RNF31: variants seen among roughly 807,000 people sequenced by gnomAD.
RNF31 encodes the protein E3 ubiquitin-protein ligase RNF31.
In RNF31, 38 loss-of-function variants were observed where a neutral mutation model predicts 133.6. The observed-to-expected ratio is 0.28, with a 90% CI of 0.22 to 0.37. The LOEUF (loss-of-function observed/expected upper bound fraction) is 0.37, where lower values mean the gene tolerates loss of function less well. Among genes scored for constraint, RNF31 ranks in the 10% least tolerant of loss-of-function variants. The pLI, the probability that RNF31 is intolerant of heterozygous loss-of-function variation, is 1.00. For missense variants in RNF31, 1,118 were observed against 1,394.1 expected (o/e 0.80, Z 3.15); for synonymous variants, 582 against 552.3 (o/e 1.05, Z -0.75).
In RNF31 at chr14:24,150,225, G is replaced by A. The variant is rs762163911; in HGVS notation, c.974G>A (p.Arg325Gln). ...PWAVLCVACD[R>Q]PRGCKGLGLG... ...GCAGTGCTCTGTGTGGCCTGTGATCGGCCCCGAGGCTGTAAGGGGTTGGGG... is the reference window on the plus strand; with the variant it reads ...GCAGTGCTCTGTGTGGCCTGTGATCAGCCCCGAGGCTGTAAGGGGTTGGGG... Residue 325 changes from arginine to glutamine, a missense_variant, in exon 7 of 21, where the codon CGG becomes CAG. By Grantham distance (43) the Arg-to-Gln change is conservative. Around this residue, in one of 3 missense-constraint regions of RNF31, gnomAD observed 747 missense variants for 827.9 expected, o/e 0.90. Coordinates refer to ENST00000324103, the MANE Select transcript of RNF31 (RefSeq NM_017999.5). 1.7e-5 allele frequency: 28 copies of A among 1,614,054 alleles called. No homozygotes were observed. The highest frequency in any genetic ancestry group is 5.0e-5 in the Admixed American group (3 of 59,986).
chr14:24,157,459 C>G (rs2038360789), intron 15 of RNF31, 55 bp downstream of exon 15: 1 of 1,603,520 alleles, frequency 6.2e-7, no homozygotes, highest in Non-Finnish European at 8.5e-7. Context: ...GCCAGCAGCT[C>G]TCTTCCTGAG....
At chr14:24,159,631 T>A (rs1027311485) in intron 18 of RNF31, among the ~76,000 whole-genome samples, 1 of 151,432 alleles carries the variant, frequency 6.6e-6, no homozygotes, top group African/African-American at 2.4e-5. Context: ...GGTATGTGTT[T>A]ATGAGCCAAA....
intron 18 of RNF31, among the ~76,000 whole-genome samples, chr14:24,158,923 C>T (rs2038389883): frequency 6.7e-6 from 1 of 150,272 alleles, no homozygotes; most frequent in South Asian, 2.1e-4. Context: ...GTCCCAGCTA[C>T]TCGGGAGGCT....
chr14:24,149,968 G>A (rs2038237793), intron 6 of RNF31, 93 bp from the exon 7 acceptor site: 7 of 1,427,636 alleles, frequency 4.9e-6, no homozygotes, highest in Non-Finnish European at 6.6e-6. Flanking sequence ...CCAGTGACAT[G>A]AGTTGTTACC....
intron 5 of RNF31, chr14:24,149,175 C>G: frequency 1.7e-6 from 1 of 598,776 alleles, no homozygotes; most frequent in Non-Finnish European, 2.9e-6. Flanking sequence ...GTTGGTCAGG[C>G]TGGTCTGGAA....
chr14:24,157,707 A>G (rs2074741601), intron 16 of RNF31, 69 bp downstream of exon 16: 8 of 1,365,206 alleles, frequency 5.9e-6, no homozygotes, highest in Admixed American at 1.7e-5. Context: ...GTCAGAGGCT[A>G]TTGAGGAGTG....
At chr14:24,158,279 G>A (rs1306148299) in intron 18 of RNF31, 80 bp downstream of exon 18, 2 of 1,358,564 alleles carry the variant, frequency 1.5e-6, no homozygotes, top group Admixed American at 3.6e-5. Flanking sequence ...GGGAGGCTTG[G>A]GTCTGGGGTC....
chr14:24,150,866 T>G lies in RNF31; in HGVS notation c.1466T>G (p.Leu489Arg). ...CAAGACAAGATGCGGGAAGAAGGCC[T>G]CCAGCTAGTGAGCATGATCCGGGTA... is the stretch of plus-strand genomic sequence containing the variant. ...QRQDKMREEG[L>R]QLVSMIREGE... The change falls in exon 8 of 21, where the codon CTC becomes CGC. Residue 489 changes from leucine (L) to arginine (R), a missense_variant. Physicochemically the swap from Leu to Arg is moderately radical, Grantham distance 102 (BLOSUM62 -2). Coordinates refer to ENST00000324103, the MANE Select transcript of RNF31 (RefSeq NM_017999.5). The G allele has an allele frequency of 6.4e-7, 1 of 1,561,802 alleles. No individual in the cohort carries two copies. The highest frequency in any genetic ancestry group is 1.2e-5 in the South Asian group (1 of 82,460).
chr14:24,154,916 A>G, intron 11 of RNF31: 1 of 552,464 alleles, frequency 1.8e-6, no homozygotes, highest in Non-Finnish European at 3.2e-6. Context: ...TTAATGGAAT[A>G]TGAATGTTTT....
At position 24,148,363 on chromosome 14, in the gene RNF31, G is replaced by C; in HGVS notation, c.445G>C (p.Val149Leu). Reference protein sequence around the residue: ...EEPDEHQVATVTLEVLLLRTE... With the variant: ...EEPDEHQVATLTLEVLLLRTE... ...GCCAGATGAGCACCAGGTTGCTACA[G>C]TCACACTGGAAGTACTGCTGCTTCG... Residue 149 changes from valine (V) to leucine (L), a missense_variant, in exon 3 of 21, where the codon GTC (valine) becomes CTC (leucine). By Grantham distance (32) the Val-to-Leu change is conservative. This residue lies in a region of RNF31 where 747 missense variants were observed against 827.9 expected (regional missense o/e 0.90). Coordinates refer to ENST00000324103, the MANE Select transcript of RNF31 (RefSeq NM_017999.5). 1.9e-6 allele frequency: 3 copies of C among 1,614,198 alleles called. No homozygotes were observed. The highest frequency in any genetic ancestry group is 2.5e-6 in the Non-Finnish European group (3 of 1,180,014).
rs199806928 is a variant in RNF31 at position 24,151,233 on chromosome 14, G to A, written c.1591G>A (p.Val531Ile). 70 of 1,614,162 alleles carry A rather than the reference G, an allele frequency of 4.3e-5. No individual in the cohort carries two copies. In the African/African-American group the frequency reaches 7.2e-4, roughly 17 times the overall value. Residue 531 changes from valine to isoleucine, a missense_variant, in exon 9 of 21, where the codon GTC becomes ATC. Val to Ile is a conservative substitution (Grantham distance 29, BLOSUM62 3). Around this residue, in one of 3 missense-constraint regions of RNF31, gnomAD observed 747 missense variants for 827.9 expected, o/e 0.90. Coordinates refer to ENST00000324103, the MANE Select transcript of RNF31 (RefSeq NM_017999.5). This position sits in a 1 kb window ranked among gnomAD's most constrained non-coding sequence, Gnocchi z 5.3. Reference sequence around the variant, plus strand: ...GTGGTTGCGCTCAGAACTGCCCTACGTCCTGGAGATGGTGGCTGAGCTGGC... The same window carrying A: ...GTGGTTGCGCTCAGAACTGCCCTACATCCTGGAGATGGTGGCTGAGCTGGC... ...LQWLRSELPYVLEMVAELAGQ... is the reference protein window; with the variant it reads ...LQWLRSELPYILEMVAELAGQ...
rs1390430170 is a variant in RNF31 at position 24,157,538 on chromosome 14, T to C, written c.2627T>C (p.Phe876Ser). 6.2e-7 allele frequency: 1 copy of C among 1,614,176 alleles called. No individual in the cohort carries two copies. The highest frequency in any genetic ancestry group is 8.5e-7 in the Non-Finnish European group (1 of 1,180,010). ...ENGIDCPKCK[F>S]SYALARGGCM... ...TTTGCAGACTGCCCCAAATGCAAGTTCTCGTACGCCCTGGCCCGAGGAGGC... is the reference window on the plus strand; with the variant it reads ...TTTGCAGACTGCCCCAAATGCAAGTCCTCGTACGCCCTGGCCCGAGGAGGC... Residue 876 changes from phenylalanine (F) to serine (S), a missense_variant, in exon 16 of 21, where the codon TTC (phenylalanine) becomes TCC (serine). Coordinates refer to ENST00000324103, the MANE Select transcript of RNF31 (RefSeq NM_017999.5).
Position 24,160,336 on chromosome 14 carries a change from C to T in RNF31, c.3094C>T (p.Arg1032Cys). Residue 1032 changes from arginine (R) to cysteine (C), a missense_variant, in exon 20 of 21, where the codon CGC becomes TGC. By Grantham distance (180) the Arg-to-Cys change is radical (BLOSUM62 -3). Coordinates refer to ENST00000324103, the MANE Select transcript of RNF31 (RefSeq NM_017999.5). The surrounding 1 kb of genome is among the most constrained non-coding windows in gnomAD (Gnocchi z 4.0). ...EVEELETATERYLHVRPQPLA... is the reference protein window; with the variant it reads ...EVEELETATECYLHVRPQPLA... The stretch of plus-strand genomic sequence containing the variant: ...GGAAGAGCTGGAGACGGCCACTGAG[C>T]GCTACCTGCACGTACGCCCCCAGCC... 2 of 1,614,186 alleles carry T rather than the reference C, an allele frequency of 1.2e-6. No homozygotes were observed. The highest frequency in any genetic ancestry group is 8.5e-7 in the Non-Finnish European group (1 of 1,180,022).
rs779325248 is a variant in RNF31, at chr14:24,147,788, C to T, written c.90C>T (p.Ser30=). 1.0e-5 allele frequency: 16 copies of T among 1,589,778 alleles called. No homozygotes were observed. Among genetic ancestry groups the T allele is most frequent in the Non-Finnish European group, 1.3e-5 (15 of 1,170,552 alleles). Residue 30 remains serine, a synonymous_variant, in exon 1 of 21, where the codon TCC becomes TCT. Transcript: ENST00000324103. The part of the protein sequence containing the change: ...ALRRDSGQAF[S]LEQLRPLLAS... ...GGAGGGATTCCGGGCAGGCGTTTTC[C>T]CTGGAGCAGCTCCGGCCGCTACTAG...
At chr14:24,150,949 G>A (rs745522685) in intron 8 of RNF31, 61 bp downstream of exon 8, 34 of 1,521,776 alleles carry the variant, frequency 2.2e-5, no homozygotes, top group Non-Finnish European at 3.0e-5. Context: ...GATGCTGCAG[G>A]TGGTTAATAG....
At chr14:24,158,838 CCTGG>C in intron 18 of RNF31, 1 of 150,816 alleles carries the variant, frequency 6.6e-6, no homozygotes, top group South Asian at 2.1e-4. Context: ...TCGAGACCAT[CCTGG>C]CTAACACGGT....
At chr14:24,148,512 G>C (rs775475851) in intron 3 of RNF31, 99 bp downstream of exon 3, 3 of 1,585,362 alleles carry the variant, frequency 1.9e-6, no homozygotes, top group Non-Finnish European at 2.6e-6. Context: ...CTGAACTATG[G>C]GCATAGTTCA....
Position 24,160,205 on chromosome 14 carries a change from A to C in RNF31, c.2997-34A>C, listed in dbSNP as rs372109243. 1,262 of 1,593,248 alleles carry C rather than the reference A, an allele frequency of 7.9e-4. No homozygotes were observed. Among genetic ancestry groups the C allele is most frequent in the Non-Finnish European group, 1.0e-3 (1,178 of 1,169,488 alleles). Reference sequence around the variant, plus strand: ...AGACACACTCAGTTAATATTAGCCAACACAACAAATATTCTGCTCCCTTTT... The same window carrying C: ...AGACACACTCAGTTAATATTAGCCACCACAACAAATATTCTGCTCCCTTTT... On this transcript the variant is annotated intron_variant, in intron 19 of 20. Coordinates refer to ENST00000324103, the MANE Select transcript of RNF31 (RefSeq NM_017999.5). The surrounding 1 kb of genome is among the most constrained non-coding windows in gnomAD (Gnocchi z 4.0).
chr14:24,158,341 T>TC (rs1362667194), intron 18 of RNF31, 142 bp downstream of exon 18: 3 of 734,188 alleles, frequency 4.1e-6, no homozygotes, highest in Non-Finnish European at 6.7e-6. Context: ...CCTTGTTTCT[T>TC]CCGCTGTAAA....
Sources: allele counts gnomAD v4.1 joint callset (sites outside exome capture counted in the v4.1 genomes callset), GRCh38; gene constraint gnomAD v4.1.1; regional missense constraint gnomAD v4.1.1; non-coding constraint Gnocchi (gnomAD v3.1); transcripts MANE v1.5; gene names NCBI Gene and HGNC (gene_info 2026-07-23, HGNC 2026-07-21).